The following GRIK3 variants were observed in gnomAD, a reference collection of about 807,000 sequenced individuals.
GRIK3 encodes glutamate receptor ionotropic, kainate 3.
A neutral mutation model predicts 102.5 loss-of-function variants in GRIK3; 29 were observed. The observed-to-expected ratio is 0.28, with a 90% CI of 0.21 to 0.39. The LOEUF (loss-of-function observed/expected upper bound fraction) is 0.39. Ranked by LOEUF, GRIK3 falls within the 10% of genes least tolerant of loss-of-function variation. The pLI is 1.00. For missense variants in GRIK3, 908 were observed against 1,252.4 expected, an observed-to-expected ratio of 0.73 and a Z score of 4.15; for synonymous variants, 511 against 504.9, an observed-to-expected ratio of 1.01 and a Z score of -0.16.
chr1:36,876,689 G>A (rs374907261), intron 3 of GRIK3, among the ~76,000 whole-genome samples: 11 of 152,282 alleles, frequency 7.2e-5, no homozygotes, highest in Middle Eastern at 3.4e-3. Flanking sequence ...CCCACTCCAT[G>A]GGTTTGATGA....
intron 1 of GRIK3, among the ~76,000 whole-genome samples, chr1:36,940,398 G>A (rs968332666): frequency 6.6e-6 from 1 of 152,220 alleles, no homozygotes; most frequent in African/African-American, 2.4e-5. Context: ...GTAATCATAT[G>A]TCTTGCTGTC....
In GRIK3 at chr1:36,872,139, G is replaced by A. The variant is rs1211499596; in HGVS notation, c.732+49C>T. ...CATTTGGGAAGGGGACGTGGGAGAA[G>A]TGGCCAGCAGACCCCAGTCATCTGT... On this transcript the variant is annotated intron_variant, in intron 4 of 15. Transcript: ENST00000373091. The surrounding 1 kb of genome is among the most constrained non-coding windows in gnomAD (Gnocchi z 5.9). The A allele has an allele frequency of 4.7e-6, 7 of 1,487,298 alleles. No homozygotes were observed. The highest frequency in any genetic ancestry group is 5.4e-6 in the Non-Finnish European group (6 of 1,104,998). 92.1% of individuals were successfully genotyped at this position (1,487,298 alleles called of 1,614,324 possible).
At chr1:37,015,272 C>A (rs760237427) in intron 1 of GRIK3, among the ~76,000 whole-genome samples, 1 of 152,182 alleles carries the variant, frequency 6.6e-6, no homozygotes, top group Admixed American at 6.5e-5. Context: ...GGATAACTCA[C>A]ACACCCAAAG....
At chr1:36,978,022 C>T (rs77336765) in intron 1 of GRIK3, among the ~76,000 whole-genome samples, 1,587 of 152,360 alleles carry the variant, frequency 0.01, 23 homozygotes, top group African/African-American at 0.036. Flanking sequence ...TTCCCTACTA[C>T]AGCATAAACG....
Position 36,891,643 on chromosome 1 carries a change from A to G in GRIK3, c.116-547T>C, listed in dbSNP as rs144440396. ...TTTTTAGCTTAAATCAGCCTTTAATATCATACTAATGGTGAAAAACTAGAG... is the reference window on the plus strand; with the variant it reads ...TTTTTAGCTTAAATCAGCCTTTAATGTCATACTAATGGTGAAAAACTAGAG... On this transcript the variant is annotated intron_variant, in intron 1 of 15. Transcript: ENST00000373091. Among the ~76,000 whole-genome samples, 269 of 152,354 alleles carry G rather than the reference A, an allele frequency of 1.8e-3. 5 individuals carry two copies. In the East Asian group the frequency reaches 0.044, roughly 25 times the overall value.
intron 9 of GRIK3, among the ~76,000 whole-genome samples, chr1:36,847,132 T>C (rs1640529015): frequency 6.6e-6 from 1 of 152,198 alleles, no homozygotes. Flanking sequence ...GTTAAGATGG[T>C]CAGTGGCCCC....
intron 1 of GRIK3, among the ~76,000 whole-genome samples, chr1:37,021,688 T>C (rs965977590): frequency 2.0e-5 from 3 of 152,202 alleles, no homozygotes; most frequent in Non-Finnish European, 4.4e-5. Context: ...TCATGATGTG[T>C]CATGTTTCCC....
At chr1:36,843,350 C>A (rs796932471) in intron 9 of GRIK3, among the ~76,000 whole-genome samples, 22 of 152,332 alleles carry the variant, frequency 1.4e-4, no homozygotes, top group African/African-American at 5.3e-4. Flanking sequence ...TGAGTTCCTA[C>A]TCTGCACCAG....
intron 3 of GRIK3, among the ~76,000 whole-genome samples, chr1:36,873,040 C>G (rs759771880): frequency 6.6e-6 from 1 of 152,176 alleles, no homozygotes; most frequent in Non-Finnish European, 1.5e-5. Flanking sequence ...CTCCATGAAG[C>G]CTTCCTCTTT....
chr1:36,837,223 C>T (rs1297623516), intron 10 of GRIK3, among the ~76,000 whole-genome samples: 4 of 152,178 alleles, frequency 2.6e-5, no homozygotes, highest in African/African-American at 9.7e-5. Flanking sequence ...TCCAGCCCTG[C>T]TCCTTCCTCC....
intron 9 of GRIK3, among the ~76,000 whole-genome samples, chr1:36,843,478 G>T (rs974781303): frequency 3.9e-5 from 6 of 152,192 alleles, no homozygotes; most frequent in Non-Finnish European, 4.4e-5. Flanking sequence ...AGGTCAGTAA[G>T]TTGCCCAAAA....
chr1:36,925,781 G>C (rs1023880779), intron 1 of GRIK3, among the ~76,000 whole-genome samples: 1 of 152,196 alleles, frequency 6.6e-6, no homozygotes, highest in Non-Finnish European at 1.5e-5. Context: ...CTGCATCCTT[G>C]GGGAGGCAAG....
chr1:36,841,305 T>A (rs1229041451), intron 10 of GRIK3, among the ~76,000 whole-genome samples: 1 of 152,190 alleles, frequency 6.6e-6, no homozygotes, highest in Non-Finnish European at 1.5e-5. Context: ...CCAGAGTTAC[T>A]CAATGCAGTG....
At chr1:36,924,776 T>C (rs1641510236) in intron 1 of GRIK3, among the ~76,000 whole-genome samples, 1 of 151,998 alleles carries the variant, frequency 6.6e-6, no homozygotes, top group Admixed American at 6.5e-5. Context: ...GCAAAGCAAA[T>C]ATTTAGCAAA....
At chr1:36,861,842 AAGGGGCTGGGTGAC>A (rs1375966216) in intron 5 of GRIK3, among the ~76,000 whole-genome samples, 20 of 152,038 alleles carry the variant, frequency 1.3e-4, no homozygotes, top group African/African-American at 4.3e-4. Context: ...TGGGATGGGG[AAGGGGCTGGGTGAC>A]AGAGGAGGGA....
chr1:36,831,006 T>G (rs1640285228), intron 10 of GRIK3, among the ~76,000 whole-genome samples: 2 of 152,298 alleles, frequency 1.3e-5, no homozygotes, highest in East Asian at 3.9e-4. Flanking sequence ...CCAGCCCTGC[T>G]GACACCTTCA....
At chr1:36,954,922 C>T (rs764847012) in intron 1 of GRIK3, among the ~76,000 whole-genome samples, 10 of 152,220 alleles carry the variant, frequency 6.6e-5, no homozygotes, top group South Asian at 2.1e-4. Flanking sequence ...TGCACATGCA[C>T]GTTCACACAC....
chr1:36,975,288 G>GTTTTTTCTTTT (rs1642183362), intron 1 of GRIK3, among the ~76,000 whole-genome samples: 1 of 113,372 alleles, frequency 8.8e-6, no homozygotes, highest in African/African-American at 3.8e-5. Flanking sequence ...TCTAAAGTTG[G>GTTTTTTCTTTT]TTTTTTTTTT....
In GRIK3 at chr1:36,796,066, C is replaced by CCCAGAGGCAGACCCAGAGTTCAGTGCAGA. The variant is rs1642361738; in HGVS notation, c.*5756_*5784dup. On this transcript the variant is annotated 3_prime_UTR_variant, in exon 16 of 16. Transcript: ENST00000373091. ...GGAGTCAGGCGTGCTTGGTCAGGGC[C>CCCAGAGGCAGACCCAGAGTTCAGTGCAGA]CCAGAGGCAGACCCAGAGTTCAGTG... 1.3e-5 allele frequency: 2 copies of CCCAGAGGCAGACCCAGAGTTCAGTGCAGA among 152,372 alleles called. No homozygotes were observed. Among genetic ancestry groups the CCCAGAGGCAGACCCAGAGTTCAGTGCAGA allele is most frequent in the African/African-American group, 4.8e-5 (2 of 41,450 alleles). The allele number at this position is 152,372 out of a possible 1,614,324, so 9.4% of individuals were successfully genotyped here. A position where few individuals can be genotyped will look rare whatever the true frequency, so the allele number is the denominator to read the frequency against.
Sources: gnomAD v4.1 joint callset for allele counts (sites outside exome capture counted in the v4.1 genomes callset) on GRCh38, gnomAD v4.1.1 for gene constraint, Gnocchi (gnomAD v3.1) non-coding constraint, MANE v1.5 for transcripts, NCBI Gene and HGNC (gene_info 2026-07-23, HGNC 2026-07-21) for gene names.